Variants in NEO1 observed in about 807,000 individuals in gnomAD.
NEO1 encodes the protein neogenin.
NEO1 carries 63 observed loss-of-function variants against 159.7 expected under a neutral mutation model. That is an observed-to-expected ratio of 0.39 (90% CI 0.32 to 0.49). The LOEUF (loss-of-function observed/expected upper bound fraction) is 0.49, where lower values mean the gene tolerates loss of function less well. NEO1 is among the 20% of genes least tolerant of loss of function. The pLI is 0.85. For missense variants in NEO1, 1,615 were observed against 1,831.0 expected, an observed-to-expected ratio of 0.88 and a Z score of 2.15; for synonymous variants, 633 against 662.0, an observed-to-expected ratio of 0.96 and a Z score of 0.67.
At chr15:73,212,119 GC>G (rs2037615217) in intron 7 of NEO1, among the ~76,000 whole-genome samples, 1 of 152,156 alleles carries the variant, frequency 6.6e-6, no homozygotes, top group Admixed American at 6.5e-5. Context: ...GGTGGTTTTT[GC>G]CAGTCTTCTT....
chr15:73,171,643 T>TATTATC (rs891486113), intron 5 of NEO1, among the ~76,000 whole-genome samples: 1 of 143,088 alleles, frequency 7.0e-6, no homozygotes, highest in African/African-American at 2.5e-5. Context: ...TTATTATTAT[T>TATTATC]ATTATTATTA....
At chr15:73,061,263 T>G (rs958272031) in intron 1 of NEO1, among the ~76,000 whole-genome samples, 6 of 152,220 alleles carry the variant, frequency 3.9e-5, no homozygotes, top group African/African-American at 1.4e-4. Context: ...CAGAGATATC[T>G]TCCCATAAAC....
At chr15:73,244,848 G>A (rs1287254119) in intron 9 of NEO1, among the ~76,000 whole-genome samples, 1 of 147,530 alleles carries the variant, frequency 6.8e-6, no homozygotes, top group Admixed American at 6.9e-5. Context: ...CTACTCGGGA[G>A]AATAGCTGAG....
At chr15:73,196,845 T>TA (rs1368542125) in intron 7 of NEO1, among the ~76,000 whole-genome samples, 2 of 152,238 alleles carry the variant, frequency 1.3e-5, no homozygotes, top group African/African-American at 4.8e-5. Flanking sequence ...ATAATTCTCT[T>TA]ACTTCGGCAG....
chr15:73,279,909 G>C (rs1351699332), intron 22 of NEO1, among the ~76,000 whole-genome samples: 3 of 152,166 alleles, frequency 2.0e-5, no homozygotes, highest in African/African-American at 7.2e-5. Context: ...ATAGAGAAAG[G>C]ATAGAGATTG....
chr15:73,258,615 C>T, intron 13 of NEO1, 151 bp from the exon 14 acceptor site: 2 of 587,406 alleles, frequency 3.4e-6, no homozygotes, highest in South Asian at 2.2e-5. Flanking sequence ...GTTGTATTTG[C>T]ATTTTGCCTA....
intron 25 of NEO1, among the ~76,000 whole-genome samples, chr15:73,291,826 A>G (rs1173469068): frequency 6.6e-6 from 1 of 152,154 alleles, no homozygotes; most frequent in Non-Finnish European, 1.5e-5. Context: ...GAAAAAGTCA[A>G]TTTTGTTTTT....
chr15:73,301,585 C>A, intron 28 of NEO1, 128 bp downstream of exon 28: 1 of 1,230,234 alleles, frequency 8.1e-7, no homozygotes. Context: ...CAGATACACT[C>A]ATTCATTCAG....
rs188341923 is a variant in NEO1, at chr15:73,122,223, C to A, written c.449-302C>A. On this transcript the variant is annotated intron_variant, in intron 2 of 28. Coordinates refer to ENST00000261908, the MANE Select transcript of NEO1 (RefSeq NM_002499.4). ...TTTTTATATCTATGATTATATAAAA[C>A]CATGATGTTTACACTGATACCTCCA... Among the ~76,000 whole-genome samples the A allele has an allele frequency of 3.8e-4, 58 of 150,860 alleles. 1 individual carries two copies. The East Asian group carries it at 0.011, about 29-fold the overall frequency.
intron 3 of NEO1, among the ~76,000 whole-genome samples, chr15:73,124,854 C>T (rs953548238): frequency 3.3e-5 from 5 of 152,158 alleles, no homozygotes; most frequent in Admixed American, 6.5e-5. Context: ...AAAACACTTT[C>T]TGGCACATAG....
intron 26 of NEO1, among the ~76,000 whole-genome samples, chr15:73,295,720 A>G (rs1040253819): frequency 6.6e-6 from 1 of 152,210 alleles, no homozygotes; most frequent in Admixed American, 6.5e-5. Flanking sequence ...TCACGATTGT[A>G]CTTTGCTAAG....
rs530247893 is a variant in NEO1, at chr15:73,126,344, A to G, written c.725-73A>G. 55 of 1,375,514 alleles carry G rather than the reference A, an allele frequency of 4.0e-5. No homozygotes were observed. The African/African-American group carries it at 5.7e-4, about 14-fold the overall frequency. 85.2% of individuals were successfully genotyped at this position (1,375,514 alleles called of 1,614,324 possible). ...CTCGGCCTCCCAAAGTATCGGGATTATGGGTGTGAGCCACCATGTCCAGCC... is the reference window on the plus strand; with the variant it reads ...CTCGGCCTCCCAAAGTATCGGGATTGTGGGTGTGAGCCACCATGTCCAGCC... On this transcript the variant is annotated intron_variant, in intron 3 of 28. Coordinates refer to ENST00000261908, the MANE Select transcript of NEO1 (RefSeq NM_002499.4).
At chr15:73,201,634 A>G (rs2036894979) in intron 7 of NEO1, among the ~76,000 whole-genome samples, 2 of 151,970 alleles carry the variant, frequency 1.3e-5, no homozygotes, top group Admixed American at 6.5e-5. Flanking sequence ...TTCCTTCTTG[A>G]TTTATCAATT....
intron 5 of NEO1, among the ~76,000 whole-genome samples, chr15:73,172,661 T>C (rs62016856): frequency 0.28 from 42,916 of 152,118 alleles, 7,696 homozygotes; most frequent in Non-Finnish European, 0.4. Flanking sequence ...AGACAGAATT[T>C]TTACAAATTT....
chr15:73,247,909 G>A (rs1019341400), intron 9 of NEO1, among the ~76,000 whole-genome samples: 1 of 152,146 alleles, frequency 6.6e-6, no homozygotes, highest in African/African-American at 2.4e-5. Flanking sequence ...GTCAGCCAGT[G>A]ATCCAGTCTT....
intron 15 of NEO1, among the ~76,000 whole-genome samples, chr15:73,264,592 T>C (rs1050031225): frequency 6.6e-6 from 1 of 152,160 alleles, no homozygotes; most frequent in Non-Finnish European, 1.5e-5. Context: ...GAGCTATAAT[T>C]ATTGACCTAG....
intron 1 of NEO1, among the ~76,000 whole-genome samples, chr15:73,059,637 A>G (rs1459750574): frequency 1.3e-5 from 2 of 152,220 alleles, no homozygotes; most frequent in Admixed American, 6.5e-5. Flanking sequence ...AGAAAGTGCC[A>G]TTACTGCTGT....
chr15:73,108,386 C>G (rs2070797325), intron 1 of NEO1, among the ~76,000 whole-genome samples: 1 of 152,086 alleles, frequency 6.6e-6, no homozygotes, highest in Non-Finnish European at 1.5e-5. Flanking sequence ...TTACAAAGGA[C>G]AGACTTCAAG....
intron 23 of NEO1, among the ~76,000 whole-genome samples, chr15:73,284,408 C>T (rs1040457624): frequency 1.3e-5 from 2 of 152,254 alleles, no homozygotes; most frequent in African/African-American, 4.8e-5. Flanking sequence ...CACCCTGTAA[C>T]TGCTACTGGT....
Sources: allele counts gnomAD v4.1 joint callset (sites outside exome capture counted in the v4.1 genomes callset), GRCh38; gene constraint gnomAD v4.1.1; transcripts MANE v1.5; gene names NCBI Gene and HGNC (gene_info 2026-07-23, HGNC 2026-07-21).